The following PIBF1 variants were observed in gnomAD, a reference collection of about 807,000 sequenced individuals.
PIBF1 encodes progesterone immunomodulatory binding factor 1.
PIBF1 carries 90 observed loss-of-function variants against 112.5 expected under a neutral mutation model. The observed-to-expected ratio is 0.80, with a 90% CI of 0.67 to 0.95. PIBF1 has a LOEUF of 0.95. PIBF1 is among the 40% of genes least tolerant of loss of function. PIBF1 has a pLI of 0.00. For synonymous variants in PIBF1, 301 were observed against 288.6 expected, an observed-to-expected ratio of 1.04 and a Z score of -0.44; for missense variants, 915 against 852.3, an observed-to-expected ratio of 1.07 and a Z score of -0.92.
intron 5 of PIBF1, among the ~76,000 whole-genome samples, chr13:72,816,288 G>A (rs1478030520): frequency 6.6e-6 from 1 of 152,188 alleles, no homozygotes. Flanking sequence ...GACAGAATCT[G>A]AACCCATGTT....
At chr13:72,911,778 G>A (rs1206585674) in intron 12 of PIBF1, among the ~76,000 whole-genome samples, 1 of 152,026 alleles carries the variant, frequency 6.6e-6, no homozygotes, top group Non-Finnish European at 1.5e-5. Flanking sequence ...ACAAAACATA[G>A]ATTAAACAAA....
At chr13:72,960,028 A>G (rs1332174838) in intron 14 of PIBF1, among the ~76,000 whole-genome samples, 1 of 152,244 alleles carries the variant, frequency 6.6e-6, no homozygotes, top group Non-Finnish European at 1.5e-5. Context: ...TATTTCAAAC[A>G]TGGAATTAGC....
chr13:72,987,865 T>A (rs1484249463), intron 16 of PIBF1, among the ~76,000 whole-genome samples: 238 of 99,760 alleles, frequency 2.4e-3, no homozygotes, highest in African/African-American at 6.5e-3. Flanking sequence ...TTTATTTTTT[T>A]TTTTTTTTTT....
intron 5 of PIBF1, among the ~76,000 whole-genome samples, chr13:72,817,660 G>GA (rs565901328): frequency 2.9e-4 from 44 of 152,234 alleles, no homozygotes; most frequent in South Asian, 1.9e-3. Context: ...CAGGTGTTGT[G>GA]AAAAAATAGG....
At chr13:72,889,731 A>G (rs1167309478) in intron 10 of PIBF1, among the ~76,000 whole-genome samples, 4 of 152,118 alleles carry the variant, frequency 2.6e-5, no homozygotes, top group South Asian at 2.1e-4. Flanking sequence ...CTGCTGCACT[A>G]TCTTACTTTC....
intron 16 of PIBF1, among the ~76,000 whole-genome samples, chr13:72,988,789 C>T (rs1020630887): frequency 3.3e-5 from 5 of 152,158 alleles, no homozygotes; most frequent in African/African-American, 1.2e-4. Flanking sequence ...ATAATCCCAG[C>T]ACTTTGGGAG....
chr13:73,012,734 A>G (rs546075404), intron 17 of PIBF1, among the ~76,000 whole-genome samples: 2 of 151,356 alleles, frequency 1.3e-5, no homozygotes, highest in African/African-American at 4.8e-5. Flanking sequence ...TAGTCTAGGC[A>G]ACAGAGCAAG....
chr13:72,801,986 G>A (rs1555285077), intron 5 of PIBF1, among the ~76,000 whole-genome samples: 1 of 136,248 alleles, frequency 7.3e-6, no homozygotes, highest in Admixed American at 7.7e-5. Context: ...TTATGTAAAT[G>A]TATTTTCTTA....
intron 10 of PIBF1, among the ~76,000 whole-genome samples, chr13:72,875,244 T>C (rs999938857): frequency 6.6e-5 from 10 of 152,224 alleles, no homozygotes; most frequent in Admixed American, 4.6e-4. Flanking sequence ...ATAGCTCATA[T>C]CTTTCAGTGC....
intron 17 of PIBF1, among the ~76,000 whole-genome samples, chr13:73,015,371 A>C (rs2044354281): frequency 6.6e-6 from 1 of 152,188 alleles, no homozygotes; most frequent in South Asian, 2.1e-4. Flanking sequence ...TTTTCTTTCT[A>C]TTCTGTACAG....
intron 9 of PIBF1, among the ~76,000 whole-genome samples, chr13:72,846,612 C>T (rs962348177): frequency 1.3e-5 from 2 of 152,148 alleles, no homozygotes; most frequent in South Asian, 2.1e-4. Context: ...TCTGGTCACT[C>T]GCATAGTTAT....
At chr13:72,841,771 C>T (rs2037621143) in intron 9 of PIBF1, among the ~76,000 whole-genome samples, 1 of 151,972 alleles carries the variant, frequency 6.6e-6, no homozygotes, top group Non-Finnish European at 1.5e-5. Flanking sequence ...GACCCTGTCT[C>T]AAAAAATAAT....
At position 72,997,645 on chromosome 13, in the gene PIBF1, C is replaced by T. The variant is rs79727747; in HGVS notation, c.2050-1177C>T. Among the ~76,000 whole-genome samples, 1,038 of 152,262 alleles carry T rather than the reference C, an allele frequency of 6.8e-3. 13 individuals are homozygous for T. The highest frequency in any genetic ancestry group is 0.054 in the South Asian group (260 of 4,824). On this transcript the variant is annotated intron_variant, in intron 16 of 17. Transcript: ENST00000326291. Reference sequence around the variant, plus strand: ...GAAGAGAAAGGCCTGTAGGAACTTGCTGTGACACAGAGCTGGTGTCTATAA... The same window carrying T: ...GAAGAGAAAGGCCTGTAGGAACTTGTTGTGACACAGAGCTGGTGTCTATAA...
intron 16 of PIBF1, among the ~76,000 whole-genome samples, chr13:72,997,718 C>T (rs955964695): frequency 6.6e-6 from 1 of 152,138 alleles, no homozygotes; most frequent in African/African-American, 2.4e-5. Flanking sequence ...CCATAACTTT[C>T]GTGTTTTGGC....
At chr13:72,939,493 G>C (rs2041956341) in intron 14 of PIBF1, among the ~76,000 whole-genome samples, 2 of 152,114 alleles carry the variant, frequency 1.3e-5, no homozygotes, top group South Asian at 2.1e-4. Context: ...GTGACGTTTT[G>C]TGTCTGGTTT....
At chr13:73,006,838 A>G (rs913583180) in intron 17 of PIBF1, among the ~76,000 whole-genome samples, 11 of 152,084 alleles carry the variant, frequency 7.2e-5, no homozygotes, top group African/African-American at 2.7e-4. Context: ...ATTTGTTTCC[A>G]AAATCACCTT....
intron 10 of PIBF1, among the ~76,000 whole-genome samples, chr13:72,883,006 A>G (rs1411340745): frequency 6.6e-6 from 1 of 152,204 alleles, no homozygotes; most frequent in African/African-American, 2.4e-5. Context: ...AAGAAAGGAA[A>G]TCAGTATATC....
chr13:72,822,336 A>G (rs557553835), intron 6 of PIBF1, among the ~76,000 whole-genome samples: 129 of 152,084 alleles, frequency 8.5e-4, no homozygotes, highest in African/African-American at 3.0e-3. Flanking sequence ...CTTCCTGACA[A>G]AAGACACACA....
At position 73,015,924 on chromosome 13, in the gene PIBF1, T is replaced by C; in HGVS notation, c.*5T>C. On this transcript the variant is annotated 3_prime_UTR_variant, in exon 18 of 18. Coordinates refer to ENST00000326291, the MANE Select transcript of PIBF1 (RefSeq NM_006346.4). The stretch of plus-strand genomic sequence containing the variant: ...AAACAAAAGATGAAGACCTAGTGTT[T>C]TGGATGGGAAGCACCTGTAGACCAT... 2 of 1,580,002 alleles carry C rather than the reference T, an allele frequency of 1.3e-6. No individual in the cohort carries two copies. Among genetic ancestry groups the C allele is most frequent in the South Asian group, 1.2e-5 (1 of 86,576 alleles).
Sources: allele counts gnomAD v4.1 joint callset (sites outside exome capture counted in the v4.1 genomes callset), GRCh38; gene constraint gnomAD v4.1.1; transcripts MANE v1.5; gene names NCBI Gene and HGNC (gene_info 2026-07-23, HGNC 2026-07-21).